Variants in GPR149 observed in about 807,000 individuals in gnomAD.
The protein encoded by GPR149 is probable G protein-coupled receptor 149.
Under a neutral mutation model 50.2 loss-of-function variants are expected in GPR149, and 50 were observed. The observed-to-expected ratio is 1.00, with a 90% CI of 0.79 to 1.26. The LOEUF is 1.26. Among genes scored for constraint, GPR149 ranks in the 50% most tolerant of loss-of-function variants. The pLI, the probability that GPR149 is intolerant of heterozygous loss-of-function variation, is 0.00. For missense variants in GPR149, 983 were observed against 895.4 expected (o/e 1.10, Z -1.25); for synonymous variants, 405 against 358.2 (o/e 1.13, Z -1.48).
rs143319977 is a variant in GPR149 at position 154,369,797 on chromosome 3, T to C, written c.1624-31526A>G. On this transcript the variant is annotated intron_variant, in intron 3 of 3. Coordinates refer to ENST00000389740, the MANE Select transcript of GPR149 (RefSeq NM_001038705.3). ...TCCTTTGATCTAACATGGAGAGATA[T>C]CATGTTGCTTCTTGATCAGACCTTA... 7.9e-3 allele frequency among the ~76,000 whole-genome samples: 1,207 copies of C among 152,348 alleles called. 14 individuals are homozygous for C. The highest frequency in any genetic ancestry group is 0.028 in the African/African-American group (1,167 of 41,580).
intron 3 of GPR149, among the ~76,000 whole-genome samples, chr3:154,380,565 C>T (rs1275117147): frequency 3.3e-5 from 5 of 152,128 alleles, no homozygotes; most frequent in Non-Finnish European, 5.9e-5. Context: ...CCTCAGCCTC[C>T]CAAAGTGTTG....
In GPR149 at chr3:154,427,473, C is replaced by T. The variant is rs760402439; in HGVS notation, c.1174+43G>A. The T allele has an allele frequency of 7.2e-6, 11 of 1,536,796 alleles. No homozygotes were observed. In the African/African-American group the frequency reaches 1.1e-4, roughly 15 times the overall value. ...AATAGACCACTTTTCTGAAAGTCAC[C>T]TAATGCATATTGCTGCCAATCACTG... On this transcript the variant is annotated intron_variant, in intron 2 of 3. Coordinates refer to ENST00000389740, the MANE Select transcript of GPR149 (RefSeq NM_001038705.3).
Position 154,338,271 on chromosome 3 carries a change from G to T in GPR149, c.1624C>A (p.Arg542Ser), listed in dbSNP as rs772084267. The change falls in exon 4 of 4, where the codon CGT becomes AGT. Residue 542 changes from arginine to serine, a missense_variant and splice_region_variant. Arg to Ser is a moderately radical substitution (Grantham distance 110, BLOSUM62 -1). Coordinates refer to ENST00000389740, the MANE Select transcript of GPR149 (RefSeq NM_001038705.3). ...GGAATGGCAAGGGCATAACCGGAAC[G>T]CTGGGGACAAAAACAAAATTGTTAT... is the stretch of plus-strand genomic sequence containing the variant. ...RSKSERTPRQ[R>S]SGYALAIPLC... 2.4e-5 allele frequency: 37 copies of T among 1,533,578 alleles called. No individual in the cohort carries two copies. In the African/African-American group the frequency reaches 4.0e-4, roughly 17 times the overall value. 95.0% of individuals were successfully genotyped at this position (1,533,578 alleles called of 1,614,324 possible).
intron 3 of GPR149, among the ~76,000 whole-genome samples, chr3:154,342,562 C>T (rs1309174691): frequency 6.6e-6 from 1 of 152,096 alleles, no homozygotes; most frequent in Non-Finnish European, 1.5e-5. Flanking sequence ...GCGTACCCCA[C>T]CAGGACTGGC....
intron 3 of GPR149, among the ~76,000 whole-genome samples, chr3:154,375,544 A>G (rs1181905038): frequency 6.6e-6 from 1 of 152,234 alleles, no homozygotes; most frequent in Non-Finnish European, 1.5e-5. Context: ...TTTATCATGA[A>G]TAAAATTATG....
Position 154,337,877 on chromosome 3 carries a change from G to T in GPR149, c.2018C>A (p.Ser673Tyr). The T allele has an allele frequency of 1.2e-6, 2 of 1,613,754 alleles. No individual in the cohort carries two copies. The highest frequency in any genetic ancestry group is 1.7e-6 in the Non-Finnish European group (2 of 1,179,870). Residue 673 changes from serine (S) to tyrosine (Y), a missense_variant, in exon 4 of 4, where the codon TCC (serine) becomes TAC (tyrosine). Coordinates refer to ENST00000389740, the MANE Select transcript of GPR149 (RefSeq NM_001038705.3). ...SCDLGETASY[S>Y]LFLPTSNPDG... ...AGGATTACTGGTGGGCAAAAAGAGG[G>T]AGTATGAGGCTGTTTCCCCTAGGTC...
At chr3:154,395,498 T>C (rs960222238) in intron 3 of GPR149, among the ~76,000 whole-genome samples, 2 of 151,090 alleles carry the variant, frequency 1.3e-5, no homozygotes, top group Middle Eastern at 3.5e-3. Flanking sequence ...GGAAATCATT[T>C]ATAAGTTACT....
chr3:154,390,852 G>T (rs547196004), intron 3 of GPR149, among the ~76,000 whole-genome samples: 1 of 152,180 alleles, frequency 6.6e-6, no homozygotes, highest in East Asian at 1.9e-4. Flanking sequence ...GGAAATCTCC[G>T]TGGGGTTATC....
At chr3:154,350,451 C>T (rs945465212) in intron 3 of GPR149, among the ~76,000 whole-genome samples, 2 of 152,018 alleles carry the variant, frequency 1.3e-5, no homozygotes, top group African/African-American at 2.4e-5. Flanking sequence ...TTTACAATTG[C>T]TAAAAAGGTT....
chr3:154,426,452 A>T (rs7614775), intron 2 of GPR149, among the ~76,000 whole-genome samples: 73,083 of 151,534 alleles, frequency 0.48, 17,987 homozygotes, highest in African/African-American at 0.6. Flanking sequence ...GGACTGTTTA[A>T]ATTTAACCTT....
intron 3 of GPR149, among the ~76,000 whole-genome samples, chr3:154,355,131 G>A (rs975143168): frequency 6.6e-6 from 1 of 152,124 alleles, no homozygotes; most frequent in Non-Finnish European, 1.5e-5. Context: ...GGGTTCAAGC[G>A]GTTGTCCTGC....
In GPR149 at chr3:154,427,643, TAG is replaced by T. The variant is rs780191724; in HGVS notation, c.1045_1046del (p.Leu349ThrfsTer49). 4 of 1,614,166 alleles carry T rather than the reference TAG, an allele frequency of 2.5e-6. No homozygotes were observed. The highest frequency in any genetic ancestry group is 3.4e-6 in the Non-Finnish European group (4 of 1,180,014). On this transcript the variant is annotated frameshift_variant, in exon 2 of 4. Coordinates refer to ENST00000389740, the MANE Select transcript of GPR149 (RefSeq NM_001038705.3). LOFTEE classifies it high-confidence loss of function. ...TTACAGTGGTGGCCAGCAGGGTAAG[TAG>T]AAAGCTGAATGTCTCCAAGGGAAGG... ...QSLPLETFSF[L>X]LTLLATTVTP...
chr3:154,368,758 A>T (rs1196073360), intron 3 of GPR149, among the ~76,000 whole-genome samples: 1 of 152,190 alleles, frequency 6.6e-6, no homozygotes, highest in East Asian at 1.9e-4. Flanking sequence ...GGCCTAGAAG[A>T]CATCTACCAC....
At chr3:154,378,078 T>TC (rs34317201) in intron 3 of GPR149, among the ~76,000 whole-genome samples, 1,084 of 72,862 alleles carry the variant, frequency 0.015, 17 homozygotes, top group African/African-American at 0.033. Context: ...TATTGATATA[T>TC]CCCCCCCCCC....
At chr3:154,376,374 A>G (rs1714792999) in intron 3 of GPR149, among the ~76,000 whole-genome samples, 1 of 152,198 alleles carries the variant, frequency 6.6e-6, no homozygotes, top group South Asian at 2.1e-4. Flanking sequence ...TTCTAAAAAG[A>G]CATCTGTAGT....
At chr3:154,358,515 TGAAAA>T (rs1714300757) in intron 3 of GPR149, among the ~76,000 whole-genome samples, 1 of 152,058 alleles carries the variant, frequency 6.6e-6, no homozygotes, top group Non-Finnish European at 1.5e-5. Flanking sequence ...CCAAGATACT[TGAAAA>T]GAAACTTTAT....
chr3:154,415,123 T>A (rs943882666), intron 3 of GPR149, among the ~76,000 whole-genome samples: 1 of 142,822 alleles, frequency 7.0e-6, no homozygotes, highest in African/African-American at 2.6e-5. Context: ...GAGTTCCTAG[T>A]CACTTGAGTT....
rs971045548 is a variant in GPR149 at position 154,337,115 on chromosome 3, A to T, written c.*584T>A. 2.6e-5 allele frequency: 4 copies of T among 152,224 alleles called. No homozygotes were observed. The highest frequency in any genetic ancestry group is 4.4e-5 in the Non-Finnish European group (3 of 68,024). 9.4% of individuals were successfully genotyped at this position (152,224 alleles called of 1,614,324 possible). ...AGTAAACAATTTATATTTGGTAGAAATGAAGGAAACAACTATTTATAGACT... is the reference window on the plus strand; with the variant it reads ...AGTAAACAATTTATATTTGGTAGAATTGAAGGAAACAACTATTTATAGACT... On this transcript the variant is annotated 3_prime_UTR_variant, in exon 4 of 4. Coordinates refer to ENST00000389740, the MANE Select transcript of GPR149 (RefSeq NM_001038705.3).
At chr3:154,389,407 A>G (rs1423936978) in intron 3 of GPR149, among the ~76,000 whole-genome samples, 1 of 152,098 alleles carries the variant, frequency 6.6e-6, no homozygotes, top group Admixed American at 6.6e-5. Flanking sequence ...GGGAGATCCT[A>G]GCTCCCAGCT....
Sources: gnomAD v4.1 joint callset for allele counts (sites outside exome capture counted in the v4.1 genomes callset) on GRCh38, gnomAD v4.1.1 for gene constraint, MANE v1.5 for transcripts, NCBI Gene and HGNC (gene_info 2026-07-23, HGNC 2026-07-21) for gene names.